The following AUTS2 variants were observed in gnomAD, a reference collection of about 807,000 sequenced individuals.
AUTS2 encodes autism susceptibility gene 2 protein.
A neutral mutation model predicts 112.4 loss-of-function variants in AUTS2; 17 were observed. The ratio of observed to expected loss-of-function variants is 0.15; its 90% CI spans 0.10 to 0.23. AUTS2 has a LOEUF of 0.23. Among genes scored for constraint, AUTS2 ranks in the 10% least tolerant of loss-of-function variants. The pLI, the probability that AUTS2 is intolerant of heterozygous loss-of-function variation, is 1.00. For synonymous variants in AUTS2, 751 were observed against 702.7 expected, an observed-to-expected ratio of 1.07 and a Z score of -1.09; for missense variants, 1,510 against 1,701.6, an observed-to-expected ratio of 0.89 and a Z score of 1.98.
At chr7:70,394,845 A>G (rs1435026146) in intron 4 of AUTS2, among the ~76,000 whole-genome samples, 1 of 151,922 alleles carries the variant, frequency 6.6e-6, no homozygotes, top group Non-Finnish European at 1.5e-5. Flanking sequence ...TGGGAGGCCA[A>G]AGTGAGAGGA....
At chr7:70,778,028 C>T (rs1790818825) in intron 14 of AUTS2, among the ~76,000 whole-genome samples, 1 of 152,186 alleles carries the variant, frequency 6.6e-6, no homozygotes. Flanking sequence ...TCAGTACTTG[C>T]AGGAGCCACG....
intron 4 of AUTS2, among the ~76,000 whole-genome samples, chr7:70,238,693 AT>A (rs543721477): frequency 1.3e-5 from 2 of 151,924 alleles, no homozygotes; most frequent in South Asian, 4.2e-4. Flanking sequence ...GAGGACTAAG[AT>A]TTATTGCATG....
chr7:70,755,586 A>G (rs77837469), intron 6 of AUTS2, among the ~76,000 whole-genome samples: 9,527 of 151,790 alleles, frequency 0.063, 348 homozygotes, highest in Middle Eastern at 0.17. Flanking sequence ...AATCAGTTGA[A>G]CCTGGGAGGT....
chr7:70,100,411 A>T lies in AUTS2; in HGVS notation c.523-17721A>T, dbSNP rs1804420130. Among the ~76,000 whole-genome samples, 3 of 152,046 alleles carry T rather than the reference A, an allele frequency of 2.0e-5. No individual in the cohort carries two copies. In the East Asian group the frequency reaches 5.8e-4, roughly 29 times the overall value. On this transcript the variant is annotated intron_variant, in intron 2 of 18. Coordinates refer to ENST00000342771, the MANE Select transcript of AUTS2 (RefSeq NM_015570.4). ...GACCACAAAGTCTGTGGAAGTAGAA[A>T]GCTATAACGGTTGTACCATTTTTTT...
intron 1 of AUTS2, among the ~76,000 whole-genome samples, chr7:69,776,211 G>A (rs902664067): frequency 1.2e-4 from 18 of 152,134 alleles, no homozygotes; most frequent in African/African-American, 1.9e-4. Flanking sequence ...ATTAGGAATC[G>A]TCAGCCTGCA....
intron 1 of AUTS2, among the ~76,000 whole-genome samples, chr7:69,830,775 T>A (rs188541323): frequency 1.3e-5 from 2 of 152,368 alleles, no homozygotes; most frequent in East Asian, 3.9e-4. Context: ...TTTCTTTGGC[T>A]TGATTGTAGA....
intron 2 of AUTS2, among the ~76,000 whole-genome samples, chr7:69,909,938 A>G (rs533576292): frequency 2.6e-5 from 4 of 152,326 alleles, no homozygotes; most frequent in Admixed American, 1.3e-4. Flanking sequence ...AAAAAATACT[A>G]TCATCAAATT....
At chr7:70,731,653 TCTC>T (rs1175080296) in intron 6 of AUTS2, among the ~76,000 whole-genome samples, 1 of 151,780 alleles carries the variant, frequency 6.6e-6, no homozygotes, top group East Asian at 1.9e-4. Flanking sequence ...ATGGTCTCGA[TCTC>T]CTGACCTTGT....
At chr7:70,540,440 C>T (rs1203566487) in intron 5 of AUTS2, among the ~76,000 whole-genome samples, 9 of 152,246 alleles carry the variant, frequency 5.9e-5, no homozygotes, top group African/African-American at 2.2e-4. Flanking sequence ...ACCCTTCACC[C>T]CAGCTACCAT....
intron 1 of AUTS2, among the ~76,000 whole-genome samples, chr7:69,841,454 C>G (rs1388981356): frequency 6.6e-6 from 1 of 152,150 alleles, no homozygotes; most frequent in Non-Finnish European, 1.5e-5. Context: ...ATGATCCAAA[C>G]ACCTCCCACC....
chr7:69,796,535 A>G (rs969300028), intron 1 of AUTS2, among the ~76,000 whole-genome samples: 3 of 152,074 alleles, frequency 2.0e-5, no homozygotes, highest in South Asian at 2.1e-4. Context: ...AAAAAAAAAA[A>G]AAAGAAAAGA....
At chr7:70,182,053 C>T (rs1359117772) in intron 4 of AUTS2, among the ~76,000 whole-genome samples, 4 of 151,944 alleles carry the variant, frequency 2.6e-5, no homozygotes, top group East Asian at 3.9e-4. Context: ...CCGCCCATCT[C>T]GGCCTCCCAA....
intron 2 of AUTS2, among the ~76,000 whole-genome samples, chr7:69,974,686 A>G (rs1414370907): frequency 6.6e-6 from 1 of 152,164 alleles, no homozygotes. Context: ...GGATTGAATG[A>G]GGTCCACGTG....
At chr7:70,671,568 T>G (rs570451168) in intron 5 of AUTS2, among the ~76,000 whole-genome samples, 17 of 152,290 alleles carry the variant, frequency 1.1e-4, no homozygotes, top group African/African-American at 1.9e-4. Flanking sequence ...TCCCCTGCAT[T>G]TCAGAAAAGA....
intron 2 of AUTS2, among the ~76,000 whole-genome samples, chr7:70,102,038 T>C (rs1804524632): frequency 6.6e-6 from 1 of 152,204 alleles, no homozygotes; most frequent in Non-Finnish European, 1.5e-5. Context: ...AACATTTTGG[T>C]TTAAAGACTT....
chr7:70,409,514 T>C (rs941333765), intron 4 of AUTS2, among the ~76,000 whole-genome samples: 1 of 152,164 alleles, frequency 6.6e-6, no homozygotes, highest in African/African-American at 2.4e-5. Context: ...TGTACATGTG[T>C]GTAGGTGTGC....
At chr7:69,765,566 C>T (rs994529215) in intron 1 of AUTS2, among the ~76,000 whole-genome samples, 1 of 152,200 alleles carries the variant, frequency 6.6e-6, no homozygotes, top group Admixed American at 6.5e-5. Context: ...GTCCTCCTGC[C>T]TTGACCTCCC....
intron 1 of AUTS2, among the ~76,000 whole-genome samples, chr7:69,828,658 T>A (rs1315493605): frequency 6.6e-6 from 1 of 152,198 alleles, no homozygotes; most frequent in Non-Finnish European, 1.5e-5. Context: ...TTGGAAATGC[T>A]TTTACACAAG....
intron 2 of AUTS2, among the ~76,000 whole-genome samples, chr7:69,991,170 A>G (rs1356917138): frequency 6.6e-6 from 1 of 152,174 alleles, no homozygotes; most frequent in African/African-American, 2.4e-5. Context: ...AATTCCGGGG[A>G]AATCAGAACA....
Sources: allele counts gnomAD v4.1 joint callset (sites outside exome capture counted in the v4.1 genomes callset), GRCh38; gene constraint gnomAD v4.1.1; transcripts MANE v1.5; gene names NCBI Gene and HGNC (gene_info 2026-07-23, HGNC 2026-07-21).